CHN2: variants seen among roughly 807,000 people sequenced by gnomAD.
CHN2 encodes chimerin 2.
CHN2 carries 35 observed loss-of-function variants against 56.3 expected under a neutral mutation model. That is an observed-to-expected ratio of 0.62 (90% CI 0.47 to 0.82). CHN2 has a LOEUF of 0.82. CHN2 is among the 40% of genes least tolerant of loss of function. CHN2 has a pLI of 0.00. For missense variants in CHN2, 491 were observed against 580.5 expected (o/e 0.85, Z 1.58); for synonymous variants, 210 against 212.8 (o/e 0.99, Z 0.12).
At chr7:29,151,118 T>A (rs1207631202) in intron 2 of CHN2, among the ~76,000 whole-genome samples, 1 of 152,106 alleles carries the variant, frequency 6.6e-6, no homozygotes, top group Non-Finnish European at 1.5e-5. Flanking sequence ...AGTGCTTCAG[T>A]CTCCTTGTAC....
At chr7:29,221,885 A>T (rs1034996745) in intron 1 of CHN2, among the ~76,000 whole-genome samples, 1 of 152,088 alleles carries the variant, frequency 6.6e-6, no homozygotes, top group Non-Finnish European at 1.5e-5. Context: ...GGTTGATTCC[A>T]TGTCTTTGCT....
intron 6 of CHN2, among the ~76,000 whole-genome samples, chr7:29,422,074 T>G (rs1343925752): frequency 1.3e-5 from 2 of 152,234 alleles, no homozygotes; most frequent in Non-Finnish European, 2.9e-5. Flanking sequence ...GAAATATCTG[T>G]ACTCTGTTTA....
intron 1 of CHN2, among the ~76,000 whole-genome samples, chr7:29,339,321 C>T (rs879795969): frequency 2.0e-5 from 3 of 151,786 alleles, no homozygotes; most frequent in Non-Finnish European, 4.4e-5. Flanking sequence ...CTCTCCTGAC[C>T]CTCGGCCACC....
chr7:29,238,346 C>T (rs1200494347), intron 1 of CHN2, among the ~76,000 whole-genome samples: 7 of 152,086 alleles, frequency 4.6e-5, no homozygotes, highest in South Asian at 2.1e-4. Flanking sequence ...ATTAAAACTT[C>T]GGGTCTGTTA....
rs150752027 is a variant in CHN2 at position 29,209,708 on chromosome 7, A to T, written c.49+14718A>T. Reference sequence around the variant, plus strand: ...ATGATTCAGCCCACTGCCGCTTGCTATGGGAGGGAATTTTTAAGGCTTTCA... The same window carrying T: ...ATGATTCAGCCCACTGCCGCTTGCTTTGGGAGGGAATTTTTAAGGCTTTCA... On this transcript the variant is annotated intron_variant, in intron 1 of 12. Coordinates refer to ENST00000222792, the MANE Select transcript of CHN2 (RefSeq NM_004067.4). Among the ~76,000 whole-genome samples, 164 of 152,286 alleles carry T rather than the reference A, an allele frequency of 1.1e-3. 2 individuals carry two copies. Among genetic ancestry groups the T allele is most frequent in the African/African-American group, 3.7e-3 (154 of 41,550 alleles).
chr7:29,400,219 C>A, intron 5 of CHN2: 1 of 363,266 alleles, frequency 2.8e-6, no homozygotes, highest in Non-Finnish European at 5.3e-6. Flanking sequence ...AGGATACTGA[C>A]AATGACCTTA....
At chr7:29,349,108 A>T (rs1585125601) in intron 1 of CHN2, among the ~76,000 whole-genome samples, 2 of 152,338 alleles carry the variant, frequency 1.3e-5, no homozygotes, top group Middle Eastern at 3.4e-3. Context: ...ATGAGACTAC[A>T]CATTGTATGT....
chr7:29,317,086 T>C (rs1296072690), intron 1 of CHN2, among the ~76,000 whole-genome samples: 1 of 152,208 alleles, frequency 6.6e-6, no homozygotes, highest in Non-Finnish European at 1.5e-5. Flanking sequence ...AAGTCTTGCA[T>C]TGGCAGAGCA....
intron 1 of CHN2, among the ~76,000 whole-genome samples, chr7:29,295,809 G>A (rs1389534832): frequency 6.6e-6 from 1 of 152,236 alleles, no homozygotes; most frequent in African/African-American, 2.4e-5. Context: ...GACTAATGCA[G>A]ATCTGGCCTC....
chr7:29,310,100 C>G (rs1483355935), intron 1 of CHN2, among the ~76,000 whole-genome samples: 1 of 152,210 alleles, frequency 6.6e-6, no homozygotes, highest in African/African-American at 2.4e-5. Context: ...ATTTAACTTA[C>G]TTTCCCTTAC....
intron 3 of CHN2, among the ~76,000 whole-genome samples, chr7:29,377,038 G>GTTTA (rs1800128746): frequency 6.6e-6 from 1 of 151,980 alleles, no homozygotes; most frequent in Non-Finnish European, 1.5e-5. Flanking sequence ...TATTTTGTTT[G>GTTTA]TTTATTTGAG....
intron 6 of CHN2, among the ~76,000 whole-genome samples, chr7:29,456,189 G>A (rs1784739786): frequency 1.3e-5 from 2 of 152,170 alleles, no homozygotes; most frequent in African/African-American, 2.4e-5. Flanking sequence ...TGACCTTGGA[G>A]TACCTCCCAT....
upstream of CHN2, chr7:29,193,718 C>T (rs1009983976): frequency 3.9e-5 from 6 of 152,324 alleles, no homozygotes; most frequent in African/African-American, 1.4e-4. Flanking sequence ...CTCTCACACA[C>T]CTGAGCAGTT....
chr7:29,339,948 A>G (rs1796916194), intron 1 of CHN2, among the ~76,000 whole-genome samples: 1 of 152,162 alleles, frequency 6.6e-6, no homozygotes, highest in Non-Finnish European at 1.5e-5. Flanking sequence ...ACCACCTTCA[A>G]GATGAATAAA....
chr7:29,312,956 C>T (rs780994912), intron 1 of CHN2, among the ~76,000 whole-genome samples: 1 of 152,102 alleles, frequency 6.6e-6, no homozygotes, highest in African/African-American at 2.4e-5. Flanking sequence ...ACATTGAATT[C>T]TGATGGCTAT....
chr7:29,159,403 A>G (rs1315145324), intron 2 of CHN2, among the ~76,000 whole-genome samples: 2 of 152,200 alleles, frequency 1.3e-5, no homozygotes, highest in African/African-American at 2.4e-5. Flanking sequence ...CTATACCAGA[A>G]TAATGTTTTG....
At chr7:29,386,971 C>T (rs1357687894) in intron 3 of CHN2, among the ~76,000 whole-genome samples, 2 of 152,238 alleles carry the variant, frequency 1.3e-5, no homozygotes, top group Admixed American at 1.3e-4. Context: ...GGCATTAGCG[C>T]TGATTAGTAT....
intron 12 of CHN2, among the ~76,000 whole-genome samples, chr7:29,509,844 CAAAAAA>C (rs34925686): frequency 1.5e-5 from 2 of 134,198 alleles, no homozygotes; most frequent in African/African-American, 2.8e-5. Context: ...GACTCCATCT[CAAAAAA>C]AAAAAAAAAA....
At chr7:29,413,587 CATGACA>C (rs1803450748) in intron 6 of CHN2, among the ~76,000 whole-genome samples, 2 of 152,208 alleles carry the variant, frequency 1.3e-5, no homozygotes. Flanking sequence ...CATTCTGCTT[CATGACA>C]ACCCTTAACT....
Sources: gnomAD v4.1 joint callset for allele counts (sites outside exome capture counted in the v4.1 genomes callset) on GRCh38, gnomAD v4.1.1 for gene constraint, MANE v1.5 for transcripts, NCBI Gene and HGNC (gene_info 2026-07-23, HGNC 2026-07-21) for gene names.